Variants in CACNA2D3 observed in about 807,000 individuals in gnomAD.
The protein encoded by CACNA2D3 is voltage-dependent calcium channel subunit alpha-2/delta-3.
Under a neutral mutation model 160.6 loss-of-function variants are expected in CACNA2D3, and 60 were observed. The observed-to-expected ratio is 0.37, with a 90% CI of 0.30 to 0.46. CACNA2D3 has a LOEUF of 0.46. Ranked by LOEUF, CACNA2D3 falls within the 20% of genes least tolerant of loss-of-function variation. The pLI is 1.00. For synonymous variants in CACNA2D3, 558 were observed against 492.9 expected (o/e 1.13, Z -1.75); for missense variants, 1,205 against 1,365.0 (o/e 0.88, Z 1.85).
chr3:54,224,280 T>TC (rs1190590433), intron 2 of CACNA2D3, among the ~76,000 whole-genome samples: 14 of 151,046 alleles, frequency 9.3e-5, no homozygotes, highest in African/African-American at 3.2e-4. Context: ...CCATTTAACT[T>TC]TTTTTTTTAA....
intron 11 of CACNA2D3, among the ~76,000 whole-genome samples, chr3:54,719,165 T>TTTC (rs1701123286): frequency 7.5e-6 from 1 of 134,210 alleles, no homozygotes; most frequent in African/African-American, 3.2e-5. Context: ...CTGGATTTCT[T>TTTC]TTTTTTTTTT....
intron 2 of CACNA2D3, among the ~76,000 whole-genome samples, chr3:54,293,563 T>TTATATATATATATATATATATA (rs35283142): frequency 1.3e-5 from 2 of 149,724 alleles, no homozygotes; most frequent in African/African-American, 2.4e-5. Context: ...TAATATTCTA[T>TTATATATATATATATATATATA]TATATATATA....
intron 4 of CACNA2D3, among the ~76,000 whole-genome samples, chr3:54,400,960 G>T (rs1313259386): frequency 6.6e-6 from 1 of 152,112 alleles, no homozygotes; most frequent in East Asian, 1.9e-4. Context: ...AGGAAACTCT[G>T]TGAGATTTGA....
In CACNA2D3 at chr3:54,891,422, T is replaced by C. The variant is rs753207068; in HGVS notation, c.2218T>C (p.Phe740Leu). The C allele has an allele frequency of 5.1e-5, 83 of 1,613,886 alleles. No individual in the cohort carries two copies. Among genetic ancestry groups the C allele is most frequent in the Non-Finnish European group, 6.8e-5 (80 of 1,179,840 alleles). Residue 740 changes from phenylalanine (F) to leucine (L), a missense_variant, in exon 25 of 38, where the codon TTT (phenylalanine) becomes CTT (leucine). This residue lies in a region of CACNA2D3 where 911 missense variants were observed against 1,002.2 expected (regional missense o/e 0.91). Transcript: ENST00000474759. ...CACGGGCCTCTCCAGAATCAACCTG[T>C]TTGTCGGGGCTGAGCAGCTCACCAA... ...TRTGLSRINLFVGAEQLTNQD... is the reference protein window; with the variant it reads ...TRTGLSRINLLVGAEQLTNQD...
chr3:54,448,577 G>GT (rs2106811291), intron 4 of CACNA2D3, among the ~76,000 whole-genome samples: 1 of 152,320 alleles, frequency 6.6e-6, no homozygotes, highest in Admixed American at 6.5e-5. Flanking sequence ...GCCCAAATCT[G>GT]TAAGTGTCCC....
At chr3:54,253,408 C>A (rs1702233554) in intron 2 of CACNA2D3, among the ~76,000 whole-genome samples, 1 of 152,066 alleles carries the variant, frequency 6.6e-6, no homozygotes, top group African/African-American at 2.4e-5. Context: ...GGGTAGCAGG[C>A]AGGTCACATG....
intron 2 of CACNA2D3, among the ~76,000 whole-genome samples, chr3:54,160,754 T>C (rs1700329707): frequency 6.6e-6 from 1 of 152,252 alleles, no homozygotes; most frequent in Admixed American, 6.5e-5. Flanking sequence ...TTCTGTGCGG[T>C]AACTGATCTT....
chr3:54,402,974 A>G (rs572790217), intron 4 of CACNA2D3, among the ~76,000 whole-genome samples: 1 of 152,340 alleles, frequency 6.6e-6, no homozygotes, highest in African/African-American at 2.4e-5. Context: ...AACAATAGGA[A>G]GATTTTTGGA....
intron 17 of CACNA2D3, 37 bp downstream of exon 17, chr3:54,846,504 A>T (rs1698935769): frequency 7.3e-7 from 1 of 1,366,478 alleles, no homozygotes; most frequent in South Asian, 1.3e-5. Flanking sequence ...TTCTGCTTTT[A>T]TGATTTTAAA....
In CACNA2D3 at chr3:54,737,216, GTGTGTA is replaced by G. The variant is rs767890835; in HGVS notation, c.1168-15382_1168-15377del. Reference sequence around the variant, plus strand: ...TGTGTGTGTGTGTGTGTGTGTGTGTGTGTGTAGGGAACAGAATATAACAAGAGGACA... The same window carrying G: ...TGTGTGTGTGTGTGTGTGTGTGTGTGGGGAACAGAATATAACAAGAGGACA... On this transcript the variant is annotated intron_variant, in intron 11 of 37. Transcript: ENST00000474759. Among the ~76,000 whole-genome samples, 6 of 140,460 alleles carry G rather than the reference GTGTGTA, an allele frequency of 4.3e-5. No homozygotes were observed. In the Admixed American group the frequency reaches 4.4e-4, roughly 10 times the overall value. 92.1% of individuals were successfully genotyped at this position (140,460 alleles called of 152,430 possible).
intron 5 of CACNA2D3, among the ~76,000 whole-genome samples, chr3:54,547,991 G>A (rs1379853384): frequency 6.6e-6 from 1 of 152,140 alleles, no homozygotes; most frequent in African/African-American, 2.4e-5. Context: ...ACTGCACCCA[G>A]CCTAAAACCT....
intron 4 of CACNA2D3, among the ~76,000 whole-genome samples, chr3:54,495,765 C>G (rs1701193331): frequency 1.3e-5 from 2 of 152,112 alleles, no homozygotes; most frequent in Admixed American, 1.3e-4. Context: ...AAACAACCAA[C>G]CAGAGAGGGA....
At chr3:54,756,004 T>C (rs1449110877) in intron 12 of CACNA2D3, among the ~76,000 whole-genome samples, 1 of 152,220 alleles carries the variant, frequency 6.6e-6, no homozygotes, top group East Asian at 1.9e-4. Context: ...AGTCATTGTT[T>C]ATAAGAATCT....
intron 13 of CACNA2D3, among the ~76,000 whole-genome samples, chr3:54,784,440 CT>C (rs900360106): frequency 2.8e-4 from 42 of 147,478 alleles, no homozygotes; most frequent in Admixed American, 3.4e-4. Context: ...CATTGTCAGA[CT>C]TTTTTTTTTT....
chr3:54,645,227 A>G (rs946286501), intron 11 of CACNA2D3, among the ~76,000 whole-genome samples: 4 of 151,994 alleles, frequency 2.6e-5, no homozygotes, highest in Middle Eastern at 3.2e-3. Flanking sequence ...TTATGAAACC[A>G]TTAAATCTCA....
At position 54,325,310 on chromosome 3, in the gene CACNA2D3, A is replaced by G. The variant is rs967503876; in HGVS notation, c.321+4752A>G. On this transcript the variant is annotated intron_variant, in intron 3 of 37. Transcript: ENST00000474759. The stretch of plus-strand genomic sequence containing the variant: ...TGATCCTGTAATTTTGGTGCGGTAC[A>G]TATAACTGAGATGAGCAGCACAAGA... 2.0e-5 allele frequency among the ~76,000 whole-genome samples: 3 copies of G among 152,218 alleles called. 1 individual carries two copies. The highest frequency in any genetic ancestry group is 4.4e-5 in the Non-Finnish European group (3 of 68,040).
At chr3:54,503,403 G>A (rs1701323176) in intron 4 of CACNA2D3, 89 bp from the exon 5 acceptor site, 2 of 1,131,096 alleles carry the variant, frequency 1.8e-6, no homozygotes, top group Admixed American at 1.8e-5. Context: ...ACAGTGTAAG[G>A]GATGGCACAT....
At chr3:54,256,358 C>T (rs190728315) in intron 2 of CACNA2D3, among the ~76,000 whole-genome samples, 29 of 152,250 alleles carry the variant, frequency 1.9e-4, no homozygotes, top group Non-Finnish European at 3.2e-4. Context: ...TCAAGGTCAT[C>T]GCCAAGATCT....
At chr3:55,013,489 T>C (rs372561324) in intron 34 of CACNA2D3, among the ~76,000 whole-genome samples, 54 of 152,350 alleles carry the variant, frequency 3.5e-4, no homozygotes, top group African/African-American at 1.2e-3. Context: ...AATGTAAATA[T>C]AAATCCCAGA....
Sources: gnomAD v4.1 joint callset for allele counts (sites outside exome capture counted in the v4.1 genomes callset) on GRCh38, gnomAD v4.1.1 for gene constraint, gnomAD v4.1.1 regional missense constraint, MANE v1.5 for transcripts, NCBI Gene and HGNC (gene_info 2026-07-23, HGNC 2026-07-21) for gene names.